MYT1L: variants seen among roughly 807,000 people sequenced by gnomAD.
MYT1L encodes the protein myelin transcription factor 1-like protein.
In MYT1L, 12 loss-of-function variants were observed where a neutral mutation model predicts 126.7. The observed-to-expected ratio is 0.09, with a 90% CI of 0.06 to 0.15. The LOEUF (loss-of-function observed/expected upper bound fraction) is 0.15, where lower values mean the gene tolerates loss of function less well. Among genes scored for constraint, MYT1L ranks in the 10% least tolerant of loss-of-function variants. The pLI, the probability that MYT1L is intolerant of heterozygous loss-of-function variation, is 1.00. For missense variants in MYT1L, 979 were observed against 1,585.2 expected, an observed-to-expected ratio of 0.62 and a Z score of 6.49; for synonymous variants, 541 against 604.2, an observed-to-expected ratio of 0.90 and a Z score of 1.53.
intron 2 of MYT1L, among the ~76,000 whole-genome samples, chr2:2,211,965 G>A (rs2093532411): frequency 6.6e-6 from 1 of 151,882 alleles, no homozygotes; most frequent in African/African-American, 2.4e-5. Context: ...TCTATTCACT[G>A]AGGCCCTCAT....
At chr2:1,953,977 T>C (rs2058113033) in intron 8 of MYT1L, among the ~76,000 whole-genome samples, 1 of 152,184 alleles carries the variant, frequency 6.6e-6, no homozygotes, top group Non-Finnish European at 1.5e-5. Context: ...GTGAAAAACC[T>C]GAGAAGGTTG....
rs192027131 is a variant in MYT1L, at chr2:2,262,655, T to A, written c.-421+21749A>T. 3.6e-3 allele frequency among the ~76,000 whole-genome samples: 529 copies of A among 147,728 alleles called. 2 individuals are homozygous for A. The highest frequency in any genetic ancestry group is 7.6e-3 in the Admixed American group (113 of 14,790). ...TTGCAGTGAGCCAAGATCGTGCCAC[T>A]GCACTCCAGCCTGGGTGACAGAGCA... On this transcript the variant is annotated intron_variant, in intron 2 of 24. Transcript: ENST00000647738.
chr2:2,312,727 TAG>T (rs2095995136), intron 1 of MYT1L, among the ~76,000 whole-genome samples: 1 of 152,156 alleles, frequency 6.6e-6, no homozygotes. Flanking sequence ...CCCATGGAGA[TAG>T]AGACAAAGTC....
At chr2:1,809,315 A>C in intron 21 of MYT1L, 148 bp from the exon 22 acceptor site, 1 of 722,272 alleles carries the variant, frequency 1.4e-6, no homozygotes, top group Non-Finnish European at 2.5e-6. Flanking sequence ...AAAAAGACCA[A>C]TGCATACAGT....
intron 14 of MYT1L, among the ~76,000 whole-genome samples, chr2:1,893,113 A>T (rs1300285443): frequency 6.6e-6 from 1 of 152,162 alleles, no homozygotes; most frequent in Non-Finnish European, 1.5e-5. Flanking sequence ...ACTGCCCAGT[A>T]ATCCTTTCTG....
At chr2:1,820,034 G>T (rs951898597) in intron 21 of MYT1L, among the ~76,000 whole-genome samples, 32 of 152,066 alleles carry the variant, frequency 2.1e-4, no homozygotes, top group African/African-American at 6.0e-4. Flanking sequence ...AGGGCAGTGG[G>T]GGGGGGCCAG....
intron 2 of MYT1L, among the ~76,000 whole-genome samples, chr2:2,214,799 T>C (rs993870418): frequency 1.3e-5 from 2 of 152,176 alleles, no homozygotes; most frequent in African/African-American, 2.4e-5. Context: ...AGGTAGTAAC[T>C]GTATGGATAA....
intron 3 of MYT1L, among the ~76,000 whole-genome samples, chr2:2,132,644 G>C (rs1022312738): frequency 6.6e-6 from 1 of 152,120 alleles, no homozygotes; most frequent in Non-Finnish European, 1.5e-5. Flanking sequence ...AAACCTAGAT[G>C]ATGGGTTGGT....
At chr2:2,195,462 C>A (rs1467344512) in intron 2 of MYT1L, among the ~76,000 whole-genome samples, 3 of 152,174 alleles carry the variant, frequency 2.0e-5, no homozygotes, top group Non-Finnish European at 4.4e-5. Context: ...AGCAGCAAAT[C>A]TTTTCTGTAA....
intron 2 of MYT1L, among the ~76,000 whole-genome samples, chr2:2,254,289 A>C (rs1406158104): frequency 1.3e-5 from 2 of 152,252 alleles, no homozygotes; most frequent in African/African-American, 4.8e-5. Flanking sequence ...ACTGCAGATC[A>C]GACCTGGATT....
At chr2:2,161,518 C>T (rs2087926346) in intron 3 of MYT1L, among the ~76,000 whole-genome samples, 2 of 152,206 alleles carry the variant, frequency 1.3e-5, no homozygotes, top group Admixed American at 1.3e-4. Context: ...GGGCTCAGCC[C>T]CACTTGTGCC....
At chr2:2,240,990 C>A (rs2094429431) in intron 2 of MYT1L, among the ~76,000 whole-genome samples, 2 of 152,146 alleles carry the variant, frequency 1.3e-5, no homozygotes, top group Non-Finnish European at 2.9e-5. Flanking sequence ...TGAATGGTAG[C>A]TGCCACTTCA....
intron 1 of MYT1L, among the ~76,000 whole-genome samples, chr2:2,311,755 G>T (rs182665185): frequency 6.6e-6 from 1 of 152,100 alleles, no homozygotes; most frequent in Non-Finnish European, 1.5e-5. Flanking sequence ...TCCCACCCAC[G>T]CCAGGCCCTC....
In MYT1L at chr2:1,956,429, TCTATCTATCTAC is replaced by T. The variant is rs1228406965; in HGVS notation, c.153-13107_153-13096del. On this transcript the variant is annotated intron_variant, in intron 8 of 24. Transcript: ENST00000647738. ...GTCTATCTATCTATCTATCTATCTA[TCTATCTATCTAC>T]CTATCATCTATCTATCCTATTCTAT... 1.3e-3 allele frequency among the ~76,000 whole-genome samples: 181 copies of T among 140,540 alleles called. 11 individuals carry two copies. Among genetic ancestry groups the T allele is most frequent in the East Asian group, 6.7e-3 (30 of 4,508 alleles). The allele number at this position is 140,540 out of a possible 152,430, so 92.2% of individuals were successfully genotyped here. A position where few individuals can be genotyped will look rare whatever the true frequency, so the allele number is the denominator to read the frequency against.
intron 18 of MYT1L, among the ~76,000 whole-genome samples, chr2:1,877,459 A>G (rs866395995): frequency 6.6e-6 from 1 of 152,152 alleles, no homozygotes; most frequent in African/African-American, 2.4e-5. Flanking sequence ...ATGTCCAAAA[A>G]GTCATTGAAA....
At chr2:2,173,422 T>C (rs1358210409) in intron 2 of MYT1L, among the ~76,000 whole-genome samples, 2 of 152,226 alleles carry the variant, frequency 1.3e-5, no homozygotes, top group Non-Finnish European at 1.5e-5. Context: ...CATAAGAAAA[T>C]ATAGTTTGCT....
At chr2:2,257,460 G>A (rs921478546) in intron 2 of MYT1L, among the ~76,000 whole-genome samples, 18 of 152,252 alleles carry the variant, frequency 1.2e-4, no homozygotes, top group African/African-American at 3.4e-4. Context: ...GTTGGATCAC[G>A]AGGTCAAGGA....
chr2:1,925,269 G>A (rs1319694308), intron 9 of MYT1L, among the ~76,000 whole-genome samples: 2 of 152,214 alleles, frequency 1.3e-5, no homozygotes, highest in Non-Finnish European at 2.9e-5. Flanking sequence ...GACCTTGAAA[G>A]TGGTGAACAA....
chr2:2,248,805 T>A (rs984716856), intron 2 of MYT1L, among the ~76,000 whole-genome samples: 2 of 152,156 alleles, frequency 1.3e-5, no homozygotes, highest in Non-Finnish European at 2.9e-5. Context: ...TGAAAAAGCA[T>A]GTGATAAAGT....
Sources: gnomAD v4.1 joint callset for allele counts (sites outside exome capture counted in the v4.1 genomes callset) on GRCh38, gnomAD v4.1.1 for gene constraint, MANE v1.5 for transcripts, NCBI Gene and HGNC (gene_info 2026-07-23, HGNC 2026-07-21) for gene names.